Variants in LAMA1 observed in about 807,000 individuals in gnomAD.
The protein encoded by LAMA1 is laminin subunit alpha-1.
LAMA1 carries 219 observed loss-of-function variants against 348.7 expected under a neutral mutation model. The ratio of observed to expected loss-of-function variants is 0.63; its 90% CI spans 0.56 to 0.70. The LOEUF is 0.70. Ranked by LOEUF, LAMA1 falls within the 30% of genes least tolerant of loss-of-function variation. LAMA1 has a pLI of 0.00. For missense variants in LAMA1, 3,744 were observed against 3,888.0 expected (o/e 0.96, Z 0.99); for synonymous variants, 1,487 against 1,491.0 (o/e 1.00, Z 0.06).
At chr18:7,035,430 T>TAA (rs2057990113) in intron 13 of LAMA1, among the ~76,000 whole-genome samples, 2 of 151,944 alleles carry the variant, frequency 1.3e-5, no homozygotes, top group East Asian at 1.9e-4. Flanking sequence ...ACTTAAAATT[T>TAA]TTTTTTTTTT....
At chr18:7,086,327 C>T (rs1208821602) in intron 1 of LAMA1, among the ~76,000 whole-genome samples, 1 of 152,204 alleles carries the variant, frequency 6.6e-6, no homozygotes, top group East Asian at 1.9e-4. Flanking sequence ...ATCATCTAGG[C>T]AGAAATAGAA....
intron 20 of LAMA1, 66 bp from the exon 21 acceptor site, chr18:7,016,737 G>A: frequency 7.3e-7 from 1 of 1,370,666 alleles, no homozygotes; most frequent in Non-Finnish European, 1.0e-6. Context: ...CCTCATATTA[G>A]TATGTTCCAG....
At chr18:7,105,499 G>C (rs1285704712) in intron 1 of LAMA1, among the ~76,000 whole-genome samples, 1 of 151,900 alleles carries the variant, frequency 6.6e-6, no homozygotes, top group Non-Finnish European at 1.5e-5. Flanking sequence ...AGCAGAAGAG[G>C]ACAGGAGCAG....
chr18:6,974,074 T>C (rs1600362239), intron 46 of LAMA1, among the ~76,000 whole-genome samples: 3 of 152,112 alleles, frequency 2.0e-5, no homozygotes, highest in Admixed American at 2.0e-4. Flanking sequence ...TGAGCCACCA[T>C]GCCTGGTCTC....
In LAMA1 at chr18:7,013,955, C is replaced by T. The variant is rs750355560; in HGVS notation, c.3223G>A (p.Asp1075Asn). 2.2e-5 allele frequency: 35 copies of T among 1,613,786 alleles called. No homozygotes were observed. The highest frequency in any genetic ancestry group is 8.9e-5 in the East Asian group (4 of 44,880). The change falls in exon 23 of 63, where the codon GAT becomes AAT. Residue 1075 changes from aspartate to asparagine, a missense_variant. This residue lies in a region of LAMA1 where 1,529 missense variants were observed against 1,689.4 expected (regional missense o/e 0.91). Coordinates refer to ENST00000389658, the MANE Select transcript of LAMA1 (RefSeq NM_005559.4). ...TCTCTGTAACCCAAGGAACACTGATCGCAGGCCCGGCCACCAAATTTTGAC... is the reference window on the plus strand; with the variant it reads ...TCTCTGTAACCCAAGGAACACTGATTGCAGGCCCGGCCACCAAATTTTGAC... ...CKSKFGGRAC[D>N]QCSLGYRDFP... is the part of the protein sequence containing the mutation.
chr18:7,077,309 C>G (rs1406175330), intron 3 of LAMA1, among the ~76,000 whole-genome samples: 1 of 149,950 alleles, frequency 6.7e-6, no homozygotes, highest in Non-Finnish European at 1.5e-5. Flanking sequence ...TCACGCCATT[C>G]TCCTGCCTCA....
chr18:6,958,355 C>T, intron 55 of LAMA1, 122 bp downstream of exon 55: 4 of 991,354 alleles, frequency 4.0e-6, no homozygotes, highest in Non-Finnish European at 6.4e-6. Context: ...GGGGTTCACT[C>T]ATTATTTGGG....
Position 6,984,864 on chromosome 18 carries a change from T to A in LAMA1, c.5660+373A>T, listed in dbSNP as rs532033661. On this transcript the variant is annotated intron_variant, in intron 39 of 62. Coordinates refer to ENST00000389658, the MANE Select transcript of LAMA1 (RefSeq NM_005559.4). ...TAATAAACTCCAAAGAGGCAAGATCTGTAAAGAAATTAATAACCTCATTCT... is the reference window on the plus strand; with the variant it reads ...TAATAAACTCCAAAGAGGCAAGATCAGTAAAGAAATTAATAACCTCATTCT... 2.6e-5 allele frequency among the ~76,000 whole-genome samples: 4 copies of A among 152,290 alleles called. No homozygotes were observed. The South Asian group carries it at 8.3e-4, about 32-fold the overall frequency.
chr18:7,028,485 A>T (rs593658), intron 16 of LAMA1, among the ~76,000 whole-genome samples: 75,718 of 152,118 alleles, frequency 0.5, 21,665 homozygotes, highest in African/African-American at 0.8. Context: ...ACAGAACAAT[A>T]TTAAAGTACT....
At chr18:6,953,065 C>G (rs71360055) in intron 57 of LAMA1, among the ~76,000 whole-genome samples, 1 of 113,042 alleles carries the variant, frequency 8.8e-6, no homozygotes, top group Non-Finnish European at 1.9e-5. Context: ...GGCGGATCCA[C>G]GCCATGGGAG....
chr18:7,092,335 T>A (rs1001982383), intron 1 of LAMA1, among the ~76,000 whole-genome samples: 13 of 152,202 alleles, frequency 8.5e-5, no homozygotes, highest in Admixed American at 7.9e-4. Context: ...GCTGTTCCTT[T>A]TAATCACTAA....
intron 39 of LAMA1, among the ~76,000 whole-genome samples, chr18:6,983,465 T>C (rs914499876): frequency 3.9e-5 from 6 of 152,166 alleles, no homozygotes; most frequent in Admixed American, 6.5e-5. Context: ...ATTCAATCAA[T>C]ACCCAAGAAG....
intron 3 of LAMA1, among the ~76,000 whole-genome samples, chr18:7,063,227 T>C (rs942457853): frequency 6.6e-6 from 1 of 152,214 alleles, no homozygotes; most frequent in Non-Finnish European, 1.5e-5. Flanking sequence ...ATATGGATCC[T>C]TGGTCTATAT....
intron 2 of LAMA1, 49 bp from the exon 3 acceptor site, chr18:7,080,136 A>T: frequency 6.3e-7 from 1 of 1,578,166 alleles, no homozygotes; most frequent in Non-Finnish European, 8.7e-7. Flanking sequence ...TGTTGCTTTA[A>T]ATTTCTTAAG....
At chr18:6,947,127 G>A (rs756641644) in intron 61 of LAMA1, 36 bp downstream of exon 61, 3 of 1,613,252 alleles carry the variant, frequency 1.9e-6, no homozygotes, top group African/African-American at 2.7e-5. Flanking sequence ...TCTGACACTG[G>A]GGGGAGGAAG....
intron 23 of LAMA1, among the ~76,000 whole-genome samples, chr18:7,013,398 T>C (rs935780280): frequency 6.6e-6 from 1 of 152,022 alleles, no homozygotes; most frequent in Non-Finnish European, 1.5e-5. Context: ...TATAATGACA[T>C]TGAAGTCTTA....
intron 22 of LAMA1, among the ~76,000 whole-genome samples, chr18:7,014,939 C>G (rs71360058): frequency 6.6e-6 from 1 of 152,026 alleles, no homozygotes; most frequent in East Asian, 1.9e-4. Context: ...CTCCGCCTCC[C>G]GGGTTCACGT....
At chr18:6,983,262 T>G (rs1178893302) in intron 39 of LAMA1, 28 bp from the exon 40 acceptor site, 1 of 1,613,770 alleles carries the variant, frequency 6.2e-7, no homozygotes. Flanking sequence ...TTAGATACGT[T>G]ATGATAAACT....
intron 11 of LAMA1, among the ~76,000 whole-genome samples, chr18:7,038,179 C>T (rs1278646033): frequency 6.6e-6 from 1 of 152,160 alleles, no homozygotes; most frequent in Admixed American, 6.5e-5. Context: ...CAATGCGTCA[C>T]CGACATAGAG....
Sources: gnomAD v4.1 joint callset for allele counts (sites outside exome capture counted in the v4.1 genomes callset) on GRCh38, gnomAD v4.1.1 for gene constraint, gnomAD v4.1.1 regional missense constraint, MANE v1.5 for transcripts, NCBI Gene and HGNC (gene_info 2026-07-23, HGNC 2026-07-21) for gene names.